ZBTB8OS: variants seen among roughly 807,000 people sequenced by gnomAD.
ZBTB8OS encodes tRNA splicing ligase complex subunit 1.
ZBTB8OS carries 16 observed loss-of-function variants against 29.3 expected under a neutral mutation model. The observed-to-expected ratio is 0.55, with a 90% CI of 0.37 to 0.83. ZBTB8OS has a LOEUF of 0.83. Among genes scored for constraint, ZBTB8OS ranks in the 40% least tolerant of loss-of-function variants. The pLI, the probability that ZBTB8OS is intolerant of heterozygous loss-of-function variation, is 0.00. For missense variants in ZBTB8OS, 160 were observed against 196.9 expected (o/e 0.81, Z 1.12); for synonymous variants, 70 against 64.6 (o/e 1.08, Z -0.40).
At chr1:32,633,437 C>T in intron 4 of ZBTB8OS, 1 of 499,168 alleles carries the variant, frequency 2.0e-6, no homozygotes, top group East Asian at 3.5e-5. Context: ...GTGACAAATA[C>T]ATGAGATCTA....
At chr1:32,633,834 A>T in intron 3 of ZBTB8OS, 107 bp from the exon 4 acceptor site, 1 of 1,471,904 alleles carries the variant, frequency 6.8e-7, no homozygotes, top group South Asian at 1.4e-5. Context: ...GAGAAAGAAA[A>T]GACTCATCCT....
chr1:32,646,226 G>A (rs185960228), intron 1 of ZBTB8OS, among the ~76,000 whole-genome samples: 45 of 152,048 alleles, frequency 3.0e-4, no homozygotes, highest in Admixed American at 6.6e-4. Flanking sequence ...GGCTGAGGTT[G>A]GAGGATCACT....
chr1:32,634,005 T>C lies in ZBTB8OS; in HGVS notation c.190A>G (p.Met64Val). The C allele has an allele frequency of 1.2e-6, 2 of 1,601,256 alleles. No individual in the cohort carries two copies. Among genetic ancestry groups the C allele is most frequent in the Middle Eastern group, 1.7e-4 (1 of 5,996 alleles). The change falls in exon 3 of 7, where the codon ATG (methionine) becomes GTG (valine). Residue 64 changes from methionine to valine, a missense_variant. Physicochemically the swap from Met to Val is conservative, Grantham distance 21. Coordinates refer to ENST00000468695, the MANE Select transcript of ZBTB8OS (RefSeq NM_178547.5). ...EQCAMAMFGY[M>V]TDTGTVEPLQ... ...GGCTCCACTGTCCCAGTATCTGTCATGTAACCAAACATGGCCATTGCACAT... is the reference window on the plus strand; with the variant it reads ...GGCTCCACTGTCCCAGTATCTGTCACGTAACCAAACATGGCCATTGCACAT...
intron 6 of ZBTB8OS, among the ~76,000 whole-genome samples, chr1:32,625,784 AAT>A (rs1645083754): frequency 6.6e-6 from 1 of 152,172 alleles, no homozygotes; most frequent in Admixed American, 6.5e-5. Flanking sequence ...GACAAATATG[AAT>A]TTAGAATACA....
rs368734543 is a variant in ZBTB8OS, at chr1:32,623,069, C to A, written c.418-1121G>T. 5.3e-5 allele frequency among the ~76,000 whole-genome samples: 8 copies of A among 152,314 alleles called. No homozygotes were observed. In the South Asian group the frequency reaches 1.7e-3, roughly 32 times the overall value. ...AATTAGATGTTCTCTTAGGTTCTTT[C>A]CAGCTCCAAAAGGAATCTACAATAA... On this transcript the variant is annotated intron_variant, in intron 6 of 6. Transcript: ENST00000468695.
chr1:32,646,709 T>C (rs1646864292), intron 1 of ZBTB8OS, among the ~76,000 whole-genome samples: 1 of 151,726 alleles, frequency 6.6e-6, no homozygotes, highest in East Asian at 1.9e-4. Context: ...GACAAGGCAT[T>C]CCCTGAGTAT....
intron 1 of ZBTB8OS, among the ~76,000 whole-genome samples, chr1:32,641,696 G>A (rs1443404336): frequency 5.3e-5 from 8 of 149,546 alleles, no homozygotes; most frequent in Admixed American, 2.0e-4. Context: ...GGCGGATCAC[G>A]AGATCAGCAG....
intron 1 of ZBTB8OS, 143 bp from the exon 2 acceptor site, chr1:32,634,935 C>T (rs894920354): frequency 1.4e-6 from 1 of 706,912 alleles, no homozygotes; most frequent in African/African-American, 1.8e-5. Flanking sequence ...ACACCTTTTG[C>T]TATCTATTCA....
chr1:32,641,010 CAA>C (rs530189429), intron 1 of ZBTB8OS, among the ~76,000 whole-genome samples: 1 of 104,784 alleles, frequency 9.5e-6, no homozygotes, highest in African/African-American at 3.9e-5. Flanking sequence ...ACTAAAAATA[CAA>C]AAAAAAAAAA....
upstream of ZBTB8OS, chr1:32,650,901 T>C (rs949974315): frequency 2.1e-6 from 1 of 467,896 alleles, no homozygotes; most frequent in African/African-American, 2.0e-5. Flanking sequence ...TCTGAAAGGG[T>C]CGTAAGCTTA....
chr1:32,631,805 T>G, intron 5 of ZBTB8OS, 22 bp downstream of exon 5: 2 of 1,553,556 alleles, frequency 1.3e-6, no homozygotes, highest in Non-Finnish European at 1.8e-6. Flanking sequence ...AACTCGGTAC[T>G]TAAAAGACTT....
At chr1:32,628,671 A>G (rs1645307850) in intron 5 of ZBTB8OS, among the ~76,000 whole-genome samples, 1 of 148,710 alleles carries the variant, frequency 6.7e-6, no homozygotes, top group Non-Finnish European at 1.5e-5. Flanking sequence ...GTGGCCAGGC[A>G]CAGTGGCTCC....
At chr1:32,649,055 C>T (rs959191467) in intron 1 of ZBTB8OS, among the ~76,000 whole-genome samples, 61 of 147,720 alleles carry the variant, frequency 4.1e-4, no homozygotes, top group African/African-American at 1.5e-3. Flanking sequence ...CAGCCTCCAC[C>T]CTCCTGGGTT....
intron 6 of ZBTB8OS, among the ~76,000 whole-genome samples, chr1:32,624,028 C>T (rs769812989): frequency 6.6e-6 from 1 of 152,106 alleles, no homozygotes; most frequent in Non-Finnish European, 1.5e-5. Context: ...CTTCCCCCTT[C>T]GCTCAGCACT....
At chr1:32,646,100 ATCTGAGG>A (rs1219389408) in intron 1 of ZBTB8OS, among the ~76,000 whole-genome samples, 2 of 152,102 alleles carry the variant, frequency 1.3e-5, no homozygotes, top group African/African-American at 4.8e-5. Flanking sequence ...CAGACAGATC[ATCTGAGG>A]TCAGGAATTC....
chr1:32,650,929 G>A (rs1046833598), upstream of ZBTB8OS: 2 of 468,334 alleles, frequency 4.3e-6, no homozygotes, highest in Admixed American at 8.2e-5. Context: ...TCAAGAAAAT[G>A]GCTGCCCTCT....
chr1:32,642,160 G>A (rs946385694), intron 1 of ZBTB8OS, among the ~76,000 whole-genome samples: 1 of 152,014 alleles, frequency 6.6e-6, no homozygotes, highest in Non-Finnish European at 1.5e-5. Flanking sequence ...TACAACACAA[G>A]GAAGAAAATC....
At position 32,631,992 on chromosome 1, in the gene ZBTB8OS, CTTTTTTTTTTTTTTT is replaced by C. The variant is rs71006345; in HGVS notation, c.328-128_328-114del. 2.6e-3 allele frequency: 355 copies of C among 135,780 alleles called. 3 individuals carry two copies. The highest frequency in any genetic ancestry group is 0.016 in the African/African-American group (323 of 20,380). 8.4% of individuals were successfully genotyped at this position (135,780 alleles called of 1,614,324 possible). On this transcript the variant is annotated intron_variant, in intron 4 of 6. Coordinates refer to ENST00000468695, the MANE Select transcript of ZBTB8OS (RefSeq NM_178547.5). ...ACCATCTACTAAAAATTGGTAAAAC[CTTTTTTTTTTTTTTT>C]TTTTTTTTTTTTGAGATGGAGCCTT... is the stretch of plus-strand genomic sequence containing the variant.
intron 1 of ZBTB8OS, among the ~76,000 whole-genome samples, chr1:32,646,335 G>T (rs1041417742): frequency 6.6e-6 from 1 of 151,388 alleles, no homozygotes; most frequent in East Asian, 1.9e-4. Context: ...AAAAAAAAAA[G>T]ATTTTTTTTT....
Sources: allele counts gnomAD v4.1 joint callset (sites outside exome capture counted in the v4.1 genomes callset), GRCh38; gene constraint gnomAD v4.1.1; transcripts MANE v1.5; gene names NCBI Gene and HGNC (gene_info 2026-07-23, HGNC 2026-07-21).